Variants in GADL1 observed in about 807,000 individuals in gnomAD.
The protein encoded by GADL1 is acidic amino acid decarboxylase GADL1.
Under a neutral mutation model 69.5 loss-of-function variants are expected in GADL1, and 71 were observed. That is an observed-to-expected ratio of 1.02 (90% confidence interval 0.84 to 1.25). GADL1 has a LOEUF of 1.25. Ranked by LOEUF, GADL1 falls within the 50% of genes most tolerant of loss-of-function variation. GADL1 has a pLI of 0.00. For synonymous variants in GADL1, 254 were observed against 214.4 expected, an observed-to-expected ratio of 1.18 and a Z score of -1.62; for missense variants, 737 against 631.8, an observed-to-expected ratio of 1.17 and a Z score of -1.79.
intron 9 of GADL1, among the ~76,000 whole-genome samples, chr3:30,835,199 C>A (rs1697854138): frequency 6.6e-6 from 1 of 152,062 alleles, no homozygotes; most frequent in African/African-American, 2.4e-5. Flanking sequence ...AAAGCCCATT[C>A]TCCTGTCATG....
chr3:30,759,915 T>C (rs1164074875), intron 14 of GADL1, among the ~76,000 whole-genome samples: 1 of 152,120 alleles, frequency 6.6e-6, no homozygotes, highest in Non-Finnish European at 1.5e-5. Context: ...GCTCTATGCC[T>C]CTGTCACTCA....
At chr3:30,752,126 G>C (rs1379177071) in intron 14 of GADL1, among the ~76,000 whole-genome samples, 1 of 152,182 alleles carries the variant, frequency 6.6e-6, no homozygotes, top group Non-Finnish European at 1.5e-5. Context: ...AGTGGTACCT[G>C]ACTGAGTACT....
intron 12 of GADL1, among the ~76,000 whole-genome samples, chr3:30,793,928 T>A (rs544919678): frequency 6.6e-6 from 1 of 152,328 alleles, no homozygotes; most frequent in East Asian, 1.9e-4. Flanking sequence ...CTGCTTTCCG[T>A]ATGCTCTGCA....
At chr3:30,776,655 CCTG>C (rs1696547269) in intron 14 of GADL1, among the ~76,000 whole-genome samples, 1 of 152,108 alleles carries the variant, frequency 6.6e-6, no homozygotes, top group Non-Finnish European at 1.5e-5. Context: ...CAGAAAATGA[CCTG>C]AAGCTAAAAG....
intron 1 of GADL1, among the ~76,000 whole-genome samples, chr3:30,873,920 C>T (rs1454357809): frequency 6.6e-6 from 1 of 151,908 alleles, no homozygotes; most frequent in Non-Finnish European, 1.5e-5. Context: ...GAAAACTGTA[C>T]TTACCAAATT....
At chr3:30,873,529 T>C (rs1698525053) in intron 1 of GADL1, among the ~76,000 whole-genome samples, 1 of 151,922 alleles carries the variant, frequency 6.6e-6, no homozygotes, top group African/African-American at 2.4e-5. Context: ...CTGTGTCTTA[T>C]CAACCACACT....
chr3:30,783,645 TAAAAA>T (rs1696722259), intron 13 of GADL1, among the ~76,000 whole-genome samples: 1 of 126,054 alleles, frequency 7.9e-6, no homozygotes, highest in South Asian at 2.5e-4. Context: ...CTCAGTGTAA[TAAAAA>T]GAAAAGCGGC....
At chr3:30,751,830 C>T (rs1352246933) in intron 14 of GADL1, among the ~76,000 whole-genome samples, 4 of 151,978 alleles carry the variant, frequency 2.6e-5, no homozygotes, top group Non-Finnish European at 4.4e-5. Context: ...CTTTTTTTGT[C>T]TCTGACTAAA....
At chr3:30,763,326 CT>C (rs558443525) in intron 14 of GADL1, among the ~76,000 whole-genome samples, 83 of 151,964 alleles carry the variant, frequency 5.5e-4, no homozygotes, top group African/African-American at 2.0e-3. Context: ...GTGAAACCCC[CT>C]GTCGCTACTA....
intron 14 of GADL1, among the ~76,000 whole-genome samples, chr3:30,766,933 A>G (rs914745088): frequency 2.4e-4 from 37 of 152,328 alleles, no homozygotes; most frequent in African/African-American, 8.4e-4. Context: ...TAAGCAAACA[A>G]AAAGGCATGG....
chr3:30,734,504 A>G (rs1372366808), intron 14 of GADL1, among the ~76,000 whole-genome samples: 1 of 152,192 alleles, frequency 6.6e-6, no homozygotes, highest in Non-Finnish European at 1.5e-5. Flanking sequence ...TGTAACCTCC[A>G]TGTTAGCCAG....
chr3:30,845,584 G>GA (rs1418348414), intron 6 of GADL1, among the ~76,000 whole-genome samples: 2 of 152,044 alleles, frequency 1.3e-5, no homozygotes, highest in Non-Finnish European at 2.9e-5. Flanking sequence ...GTAACATCAG[G>GA]AAAAATGAAA....
intron 4 of GADL1, 108 bp from the exon 5 acceptor site, chr3:30,851,049 T>C (rs1351472306): frequency 1.3e-5 from 8 of 614,428 alleles, no homozygotes; most frequent in Non-Finnish European, 2.3e-5. Flanking sequence ...TGCTGAAGTG[T>C]AGGCAGTCTT....
chr3:30,758,207 T>C (rs1411246711), intron 14 of GADL1, among the ~76,000 whole-genome samples: 1 of 152,218 alleles, frequency 6.6e-6, no homozygotes. Context: ...AGTACATTCC[T>C]ATCTGCCAAG....
intron 9 of GADL1, 42 bp from the exon 10 acceptor site, chr3:30,834,323 G>C (rs1289461777): frequency 6.5e-7 from 1 of 1,541,626 alleles, no homozygotes; most frequent in African/African-American, 1.4e-5. Context: ...TTATTTCAAT[G>C]TTATTTGTTT....
At chr3:30,863,077 A>ACT (rs775184195) in intron 1 of GADL1, among the ~76,000 whole-genome samples, 59 of 149,112 alleles carry the variant, frequency 4.0e-4, no homozygotes, top group African/African-American at 9.4e-4. Flanking sequence ...TCACACACTC[A>ACT]CTCTCTCTCT....
At chr3:30,837,745 C>T (rs1205896396) in intron 9 of GADL1, among the ~76,000 whole-genome samples, 1 of 151,880 alleles carries the variant, frequency 6.6e-6, no homozygotes, top group Non-Finnish European at 1.5e-5. Context: ...TCCACAGTTA[C>T]AAAAATGCTC....
intron 8 of GADL1, among the ~76,000 whole-genome samples, chr3:30,841,786 C>T (rs996200612): frequency 1.6e-4 from 24 of 152,038 alleles, no homozygotes; most frequent in African/African-American, 5.8e-4. Flanking sequence ...ACTGACGATA[C>T]CAGACCCCAC....
intron 14 of GADL1, among the ~76,000 whole-genome samples, chr3:30,745,275 A>C (rs190755529): frequency 2.0e-5 from 3 of 152,340 alleles, no homozygotes; most frequent in Admixed American, 1.3e-4. Context: ...GAAGCACAGA[A>C]TCCTTTAAGT....
Sources: allele counts gnomAD v4.1 joint callset (sites outside exome capture counted in the v4.1 genomes callset), GRCh38; gene constraint gnomAD v4.1.1; transcripts MANE v1.5; gene names NCBI Gene and HGNC (gene_info 2026-07-23, HGNC 2026-07-21).